The following ACSS1 variants were observed in gnomAD, a reference collection of about 807,000 sequenced individuals.
ACSS1 encodes acyl-CoA synthetase short chain family member 1, also known as acetyl-coenzyme A synthetase 2-like, mitochondrial.
In ACSS1, 42 loss-of-function variants were observed where a neutral mutation model predicts 75.3. That is an observed-to-expected ratio of 0.56 (90% CI 0.44 to 0.72). The LOEUF (loss-of-function observed/expected upper bound fraction) is 0.72, where lower values mean the gene tolerates loss of function less well. ACSS1 is among the 30% of genes least tolerant of loss of function. The pLI is 0.00. For synonymous variants in ACSS1, 380 were observed against 376.8 expected, an observed-to-expected ratio of 1.01 and a Z score of -0.10; for missense variants, 782 against 935.7, an observed-to-expected ratio of 0.84 and a Z score of 2.14.
intron 3 of ACSS1, among the ~76,000 whole-genome samples, chr20:25,028,528 CTTT>C: frequency 6.6e-6 from 1 of 152,196 alleles, no homozygotes; most frequent in Non-Finnish European, 1.5e-5. Flanking sequence ...AGAACAGCCT[CTTT>C]AGCAAATGGC....
At chr20:25,039,904 G>C (rs1185988950) in intron 2 of ACSS1, among the ~76,000 whole-genome samples, 3 of 152,244 alleles carry the variant, frequency 2.0e-5, no homozygotes, top group African/African-American at 7.2e-5. Context: ...CGGGAACCAG[G>C]TGTCAATGCC....
intron 2 of ACSS1, among the ~76,000 whole-genome samples, chr20:25,031,818 T>C (rs569072668): frequency 7.8e-4 from 119 of 152,242 alleles, no homozygotes; most frequent in Admixed American, 2.9e-3. Context: ...CTTCCGAAAA[T>C]GTTTGCCTCC....
intron 2 of ACSS1, among the ~76,000 whole-genome samples, chr20:25,042,412 C>T (rs1159792986): frequency 6.6e-6 from 1 of 152,142 alleles, no homozygotes; most frequent in Non-Finnish European, 1.5e-5. Flanking sequence ...GCACCCTCCT[C>T]TCAGGTGGGG....
intron 2 of ACSS1, chr20:25,046,625 T>C (rs1398291157): frequency 3.4e-6 from 2 of 594,246 alleles, no homozygotes; most frequent in East Asian, 5.6e-5. Context: ...GGTTTTCATC[T>C]TTTACTGAAG....
At chr20:25,019,181 G>A (rs142430041) in intron 7 of ACSS1, among the ~76,000 whole-genome samples, 438 of 152,290 alleles carry the variant, frequency 2.9e-3, no homozygotes, top group Non-Finnish European at 4.1e-3. Context: ...CCAAGCAGGT[G>A]GCTGACCACG....
intron 8 of ACSS1, among the ~76,000 whole-genome samples, chr20:25,014,404 G>A (rs937725341): frequency 1.3e-5 from 2 of 152,150 alleles, no homozygotes; most frequent in Non-Finnish European, 2.9e-5. Flanking sequence ...CTGGGCCAGC[G>A]CCCATTTGAC....
chr20:25,030,733 C>G, intron 3 of ACSS1, 26 bp downstream of exon 3: 1 of 1,612,772 alleles, frequency 6.2e-7, no homozygotes, highest in African/African-American at 1.3e-5. Flanking sequence ...TCCAGGGTTC[C>G]TCCCTCCCCA....
At chr20:25,056,895 C>T (rs552252197) in intron 1 of ACSS1, among the ~76,000 whole-genome samples, 11 of 152,286 alleles carry the variant, frequency 7.2e-5, no homozygotes, top group African/African-American at 2.6e-4. Flanking sequence ...GCACTTGGCA[C>T]CCACCCTGCG....
Position 25,057,805 on chromosome 20 carries a change from T to C in ACSS1, c.298A>G (p.Ile100Val). The C allele has an allele frequency of 6.3e-7, 1 of 1,597,176 alleles. No homozygotes were observed. Among genetic ancestry groups the C allele is most frequent in the African/African-American group, 1.3e-5 (1 of 74,560 alleles). ...AACTGGCCTCCCAGGAACCAGCCGA[T>C]CTTGCCAGTGCTGAAGTCGCAGTCC... ...VWDCDFSTGK[I>V]GWFLGGQLNV... The change falls in exon 1 of 14, where the codon ATC becomes GTC. Residue 100 changes from isoleucine to valine, a missense_variant. Coordinates refer to ENST00000323482, the MANE Select transcript of ACSS1 (RefSeq NM_032501.4).
chr20:25,034,478 AC>A (rs1009357248), intron 2 of ACSS1, among the ~76,000 whole-genome samples: 2 of 151,692 alleles, frequency 1.3e-5, no homozygotes, highest in African/African-American at 4.9e-5. Flanking sequence ...CTCAGTAGAC[AC>A]CCCCAGACTT....
At chr20:25,020,732 C>G (rs1162104684) in intron 6 of ACSS1, among the ~76,000 whole-genome samples, 2 of 152,268 alleles carry the variant, frequency 1.3e-5, no homozygotes, top group East Asian at 3.8e-4. Context: ...CTTCCTTGAG[C>G]ACACCCAGCC....
At chr20:25,013,872 C>A (rs2088466707) in intron 9 of ACSS1, 89 bp downstream of exon 9, 3 of 1,423,268 alleles carry the variant, frequency 2.1e-6, no homozygotes, top group Non-Finnish European at 2.9e-6. Flanking sequence ...CAGGTACAGA[C>A]CTGGGCACAC....
chr20:25,011,651 T>A (rs2088412275), intron 12 of ACSS1: 5 of 152,280 alleles, frequency 3.3e-5, no homozygotes, highest in Admixed American at 3.3e-4. Context: ...CTCTCCCACA[T>A]CCCAGCCTTA....
At chr20:25,018,922 C>T (rs887790263) in intron 7 of ACSS1, among the ~76,000 whole-genome samples, 1 of 152,324 alleles carries the variant, frequency 6.6e-6, no homozygotes, top group Non-Finnish European at 1.5e-5. Context: ...GTGGCATCCT[C>T]GCCACCCTGT....
intron 2 of ACSS1, among the ~76,000 whole-genome samples, chr20:25,047,580 A>T (rs1239709850): frequency 6.6e-6 from 1 of 152,140 alleles, no homozygotes; most frequent in Non-Finnish European, 1.5e-5. Context: ...ATTGTGTGTG[A>T]TGGGGACTTA....
intron 1 of ACSS1, among the ~76,000 whole-genome samples, chr20:25,053,230 ATTT>A (rs376414199): frequency 0.033 from 4,404 of 133,402 alleles, 219 homozygotes; most frequent in African/African-American, 0.12. Context: ...CGCTCGGCTA[ATTT>A]TTTTTTTTTT....
intron 3 of ACSS1, among the ~76,000 whole-genome samples, chr20:25,025,160 C>G (rs2088694108): frequency 1.3e-5 from 2 of 152,218 alleles, no homozygotes; most frequent in South Asian, 4.1e-4. Context: ...TACAATGACC[C>G]CAGCCCATGC....
intron 13 of ACSS1, among the ~76,000 whole-genome samples, chr20:25,008,719 G>A (rs760829755): frequency 5.9e-5 from 9 of 152,186 alleles, no homozygotes; most frequent in Non-Finnish European, 1.3e-4. Context: ...ACTGCCACCA[G>A]GAAAAGTGCT....
rs759508192 is a variant in ACSS1 at position 25,012,876 on chromosome 20, C to T, written c.1643G>A (p.Arg548Gln). The T allele has an allele frequency of 5.0e-6, 8 of 1,614,056 alleles. No homozygotes were observed. The highest frequency in any genetic ancestry group is 2.2e-5 in the East Asian group (1 of 44,882). Residue 548 changes from arginine (R) to glutamine (Q), a missense_variant, in exon 11 of 14, where the codon CGG becomes CAG. Transcript: ENST00000323482. ...ACTGATGTTGATGACATCATCCATC[C>T]GCCCTGTGATCTGGTAATAGCCGCC... ...TEGGYYQITGRMDDVINISGH... is the reference protein window; with the variant it reads ...TEGGYYQITGQMDDVINISGH...
Sources: allele counts gnomAD v4.1 joint callset (sites outside exome capture counted in the v4.1 genomes callset), GRCh38; gene constraint gnomAD v4.1.1; transcripts MANE v1.5; gene names NCBI Gene and HGNC (gene_info 2026-07-23, HGNC 2026-07-21).